The following SVOP variants were observed in gnomAD, a reference collection of about 807,000 sequenced individuals.
SVOP encodes synaptic vesicle 2-related protein.
A neutral mutation model predicts 69.1 loss-of-function variants in SVOP; 17 were observed. The ratio of observed to expected loss-of-function variants is 0.25; its 90% confidence interval spans 0.17 to 0.37. SVOP has a LOEUF of 0.37. SVOP is among the 10% of genes least tolerant of loss of function. SVOP has a pLI of 1.00. For synonymous variants in SVOP, 238 were observed against 238.6 expected (o/e 1.00, Z 0.02); for missense variants, 435 against 597.5 (o/e 0.73, Z 2.84).
intron 14 of SVOP, among the ~76,000 whole-genome samples, 190 bp downstream of exon 14, chr12:108,917,853 T>C (rs1593175835): frequency 6.6e-6 from 1 of 152,078 alleles, no homozygotes; most frequent in African/African-American, 2.4e-5. Flanking sequence ...GCTATGTTGC[T>C]CAGGCTGGTC....
rs1169046649 is a variant in SVOP at position 108,977,510 on chromosome 12, G to A, written c.283-14C>T. 9 of 1,512,212 alleles carry A rather than the reference G, an allele frequency of 6.0e-6. No individual in the cohort carries two copies. Among genetic ancestry groups the A allele is most frequent in the African/African-American group, 5.5e-5 (4 of 72,568 alleles). The allele number at this position is 1,512,212 out of a possible 1,614,324, so 93.7% of individuals were successfully genotyped here. A position where few individuals can be genotyped will look rare whatever the true frequency, so the allele number is the denominator to read the frequency against. ...GGCATCAGCCATCTGCAGAGAGGACGGAGACATCATGAGGCCAGGATGCTG... is the reference window on the plus strand; with the variant it reads ...GGCATCAGCCATCTGCAGAGAGGACAGAGACATCATGAGGCCAGGATGCTG... On this transcript the variant is annotated splice_polypyrimidine_tract_variant and intron_variant, in intron 3 of 15. Transcript: ENST00000610966.
chr12:108,918,002 C>G (rs368306649), intron 14 of SVOP, 41 bp downstream of exon 14: 23 of 1,488,196 alleles, frequency 1.5e-5, no homozygotes, highest in African/African-American at 1.1e-4. Flanking sequence ...CACTCTCCCC[C>G]CACTGCCCGT....
At chr12:108,983,789 A>G (rs1427043196) in intron 1 of SVOP, 28 bp from the exon 2 acceptor site, 3 of 398,784 alleles carry the variant, frequency 7.5e-6, no homozygotes, top group Admixed American at 4.4e-5. Context: ...TCTGGTCAAG[A>G]TGGCTAAAGC....
chr12:108,982,857 TCAC>T (rs1243305008), intron 2 of SVOP, among the ~76,000 whole-genome samples: 2 of 134,102 alleles, frequency 1.5e-5, no homozygotes, highest in Non-Finnish European at 3.2e-5. Flanking sequence ...ATCACTATCA[TCAC>T]CACCATCATC....
intron 2 of SVOP, among the ~76,000 whole-genome samples, chr12:108,980,924 G>GA (rs1233141133): frequency 1.3e-5 from 2 of 152,136 alleles, no homozygotes; most frequent in Admixed American, 6.6e-5. Flanking sequence ...GTTTCCATCT[G>GA]AAAAAAATAA....
At chr12:108,969,724 T>TTCCTTCC (rs1437828812) in intron 5 of SVOP, among the ~76,000 whole-genome samples, 8 of 151,620 alleles carry the variant, frequency 5.3e-5, no homozygotes, top group Non-Finnish European at 8.8e-5. Flanking sequence ...TTTTCCTTCC[T>TTCCTTCC]TCCTTCCTTC....
chr12:108,992,995 C>T (rs1428079083), intron 1 of SVOP, among the ~76,000 whole-genome samples: 1 of 152,128 alleles, frequency 6.6e-6, no homozygotes, highest in Admixed American at 6.6e-5. Context: ...CTGCTTGAGG[C>T]CAGGACTTCA....
At chr12:108,979,960 C>T (rs1026049124) in intron 2 of SVOP, among the ~76,000 whole-genome samples, 1 of 152,166 alleles carries the variant, frequency 6.6e-6, no homozygotes, top group Non-Finnish European at 1.5e-5. Flanking sequence ...TCACTTGAGA[C>T]CTGGAGTTTG....
intron 11 of SVOP, among the ~76,000 whole-genome samples, chr12:108,926,011 T>C (rs1434005555): frequency 6.6e-6 from 1 of 151,836 alleles, no homozygotes; most frequent in East Asian, 1.9e-4. Context: ...CTTGAATTCC[T>C]GGGCTCAAGC....
intron 7 of SVOP, among the ~76,000 whole-genome samples, chr12:108,943,441 A>C (rs147888073): frequency 0.023 from 3,275 of 145,178 alleles, 133 homozygotes; most frequent in African/African-American, 0.077. Flanking sequence ...CTAAAAATAC[A>C]AAAAAAAATT....
chr12:108,927,123 T>G (rs1455740381), intron 11 of SVOP, among the ~76,000 whole-genome samples: 3 of 152,214 alleles, frequency 2.0e-5, no homozygotes, highest in African/African-American at 7.2e-5. Flanking sequence ...TGGTATTGCC[T>G]GCCCCTCTTC....
intron 11 of SVOP, among the ~76,000 whole-genome samples, chr12:108,923,225 C>T (rs1340590125): frequency 1.3e-5 from 2 of 152,126 alleles, no homozygotes; most frequent in Admixed American, 6.5e-5. Context: ...CAACAGAGTA[C>T]AGCAAAGGTG....
At chr12:108,922,405 A>G (rs1346722871) in intron 12 of SVOP, among the ~76,000 whole-genome samples, 1 of 152,066 alleles carries the variant, frequency 6.6e-6, no homozygotes, top group African/African-American at 2.4e-5. Flanking sequence ...CCAAGGTACT[A>G]CTCAAGCTGC....
intron 1 of SVOP, among the ~76,000 whole-genome samples, chr12:108,989,470 T>G (rs1252993475): frequency 6.7e-6 from 1 of 149,526 alleles, no homozygotes; most frequent in East Asian, 2.0e-4. Flanking sequence ...ATGTAGCTCC[T>G]GCTGAAGTCT....
At position 108,966,459 on chromosome 12, in the gene SVOP, C is replaced by T. The variant is rs569680774; in HGVS notation, c.454-5412G>A. ...TATGTGAATGCCCCACAATATCATG[C>T]GGTGAACGCCCCGGCAGGAATCTTA... On this transcript the variant is annotated intron_variant, in intron 5 of 15. Transcript: ENST00000610966. 3.2e-4 allele frequency among the ~76,000 whole-genome samples: 48 copies of T among 151,992 alleles called. 1 individual carries two copies. In the South Asian group the frequency reaches 5.4e-3, roughly 17 times the overall value.
At chr12:108,963,036 T>C (rs186435267) in intron 5 of SVOP, among the ~76,000 whole-genome samples, 1 of 151,992 alleles carries the variant, frequency 6.6e-6, no homozygotes, top group African/African-American at 2.4e-5. Flanking sequence ...CCCTTAGAGA[T>C]TGGAAAAAAA....
intron 1 of SVOP, among the ~76,000 whole-genome samples, chr12:109,006,494 CA>C (rs903712527): frequency 1.3e-5 from 2 of 152,190 alleles, no homozygotes; most frequent in African/African-American, 4.8e-5. Context: ...CTTTAAGGGG[CA>C]CACATGGCAG....
At chr12:108,955,397 C>A (rs2039979742) in intron 6 of SVOP, among the ~76,000 whole-genome samples, 1 of 152,342 alleles carries the variant, frequency 6.6e-6, no homozygotes. Flanking sequence ...ACATTGTCCA[C>A]AAGTCCCTGC....
chr12:108,982,215 ATCT>A (rs1369419294), intron 2 of SVOP, among the ~76,000 whole-genome samples: 1 of 151,032 alleles, frequency 6.6e-6, no homozygotes, highest in Non-Finnish European at 1.5e-5. Context: ...CTCCATCATC[ATCT>A]TCATCACCAT....
Sources: allele counts gnomAD v4.1 joint callset (sites outside exome capture counted in the v4.1 genomes callset), GRCh38; gene constraint gnomAD v4.1.1; transcripts MANE v1.5; gene names NCBI Gene and HGNC (gene_info 2026-07-23, HGNC 2026-07-21).